CSMD1: variants seen among roughly 807,000 people sequenced by gnomAD.
CSMD1 encodes CUB and sushi domain-containing protein 1.
Under a neutral mutation model 417.5 loss-of-function variants are expected in CSMD1, and 213 were observed. The ratio of observed to expected loss-of-function variants is 0.51; its 90% CI spans 0.46 to 0.57. The LOEUF (loss-of-function observed/expected upper bound fraction) is 0.57. Among genes scored for constraint, CSMD1 ranks in the 20% least tolerant of loss-of-function variants. CSMD1 has a pLI of 0.00. For synonymous variants in CSMD1, 2,862 were observed against 1,736.8 expected, an observed-to-expected ratio of 1.65 and a Z score of -16.11; for missense variants, 6,923 against 4,529.7, an observed-to-expected ratio of 1.53 and a Z score of -15.17.
At chr8:4,814,663 G>C (rs921848919) in intron 1 of CSMD1, among the ~76,000 whole-genome samples, 1 of 152,110 alleles carries the variant, frequency 6.6e-6, no homozygotes, top group African/African-American at 2.4e-5. Context: ...AGGAGACTTG[G>C]TGTATATGGG....
At chr8:4,661,383 A>G (rs1271889834) in intron 1 of CSMD1, among the ~76,000 whole-genome samples, 6 of 152,208 alleles carry the variant, frequency 3.9e-5, no homozygotes, top group Admixed American at 2.6e-4. Context: ...TACAAAGCCA[A>G]TCCTCAAACG....
intron 4 of CSMD1, among the ~76,000 whole-genome samples, chr8:4,011,351 T>A (rs1204544895): frequency 1.3e-5 from 2 of 152,228 alleles, no homozygotes; most frequent in African/African-American, 4.8e-5. Flanking sequence ...AAAACAATGT[T>A]ATAGACTTTT....
At chr8:4,375,619 G>A (rs1223816583) in intron 3 of CSMD1, among the ~76,000 whole-genome samples, 2 of 152,074 alleles carry the variant, frequency 1.3e-5, no homozygotes, top group African/African-American at 2.4e-5. Context: ...TAACAGCCAC[G>A]TGGAATTGTG....
At chr8:3,862,976 T>C (rs192471629) in intron 5 of CSMD1, among the ~76,000 whole-genome samples, 27 of 152,300 alleles carry the variant, frequency 1.8e-4, no homozygotes, top group African/African-American at 5.8e-4. Flanking sequence ...AGTCTGGAGA[T>C]TCCAATATCA....
chr8:4,964,871 T>G (rs544223735), intron 1 of CSMD1, among the ~76,000 whole-genome samples: 18 of 152,306 alleles, frequency 1.2e-4, no homozygotes. Flanking sequence ...GCTCCAGCTG[T>G]ATTTGATGGT....
intron 5 of CSMD1, among the ~76,000 whole-genome samples, chr8:3,915,677 T>C (rs1042200673): frequency 3.3e-5 from 5 of 151,478 alleles, no homozygotes; most frequent in African/African-American, 9.7e-5. Context: ...ATATTACTAA[T>C]AATGTAGAAC....
chr8:4,429,974 G>C lies in CSMD1; in HGVS notation c.303-9909C>G, dbSNP rs539654683. Among the ~76,000 whole-genome samples, 228 of 152,274 alleles carry C rather than the reference G, an allele frequency of 1.5e-3. 1 individual carries two copies. Among genetic ancestry groups the C allele is most frequent in the African/African-American group, 4.8e-3 (201 of 41,562 alleles). On this transcript the variant is annotated intron_variant, in intron 2 of 69. Transcript: ENST00000635120. Reference sequence around the variant, plus strand: ...AAGAGGCAAAGGGGAGAATCCACTGGAAGCTGAGCTGGAAGATGAGGTCTC... The same window carrying C: ...AAGAGGCAAAGGGGAGAATCCACTGCAAGCTGAGCTGGAAGATGAGGTCTC...
At chr8:3,040,605 C>G (rs1004183984) in intron 50 of CSMD1, among the ~76,000 whole-genome samples, 5 of 151,720 alleles carry the variant, frequency 3.3e-5, no homozygotes, top group Admixed American at 6.6e-5. Flanking sequence ...GAGTTCAGGA[C>G]CAGCCTGGCC....
At chr8:3,887,552 T>A (rs1022120912) in intron 5 of CSMD1, among the ~76,000 whole-genome samples, 2 of 152,214 alleles carry the variant, frequency 1.3e-5, no homozygotes, top group African/African-American at 4.8e-5. Context: ...TCTCAACCAA[T>A]TAAATTAGAA....
intron 3 of CSMD1, among the ~76,000 whole-genome samples, chr8:4,397,538 T>G (rs1033102649): frequency 6.9e-6 from 1 of 144,670 alleles, no homozygotes; most frequent in Non-Finnish European, 1.5e-5. Flanking sequence ...TTTTTTTTTT[T>G]TTTTTTTTTT....
Position 3,087,374 on chromosome 8 carries a change from G to A in CSMD1, c.7286-89C>T, listed in dbSNP as rs1222815940. ...CTTTGTGAGAGTCTATAAATGAATG[G>A]CTTCTCATTTCCAAAAGGTAGGAAA... On this transcript the variant is annotated intron_variant, in intron 48 of 69. Coordinates refer to ENST00000635120, the MANE Select transcript of CSMD1 (RefSeq NM_033225.6). 3.0e-6 allele frequency: 4 copies of A among 1,332,960 alleles called. No homozygotes were observed. In the East Asian group the frequency reaches 7.0e-5, roughly 23 times the overall value. 82.6% of individuals were successfully genotyped at this position (1,332,960 alleles called of 1,614,324 possible).
chr8:4,280,072 G>C (rs865869145), intron 3 of CSMD1, among the ~76,000 whole-genome samples: 1 of 152,202 alleles, frequency 6.6e-6, no homozygotes. Flanking sequence ...GTTAACTAAC[G>C]CGTTGAAAAT....
At position 4,168,943 on chromosome 8, in the gene CSMD1, G is replaced by C. The variant is rs116568906; in HGVS notation, c.416-136844C>G. Among the ~76,000 whole-genome samples the C allele has an allele frequency of 8.0e-3, 1,213 of 152,184 alleles. 12 individuals carry two copies. The highest frequency in any genetic ancestry group is 0.028 in the African/African-American group (1,142 of 41,498). On this transcript the variant is annotated intron_variant, in intron 3 of 69. Coordinates refer to ENST00000635120, the MANE Select transcript of CSMD1 (RefSeq NM_033225.6). Reference sequence around the variant, plus strand: ...TGCTCTGTTTAACCTTGGCCTTTGAGGTACCTGATCATCTCTGCTATCCTC... The same window carrying C: ...TGCTCTGTTTAACCTTGGCCTTTGACGTACCTGATCATCTCTGCTATCCTC...
chr8:3,411,769 C>T (rs36010480), intron 12 of CSMD1, among the ~76,000 whole-genome samples: 71,446 of 110,978 alleles, frequency 0.64, 24,422 homozygotes, highest in Middle Eastern at 0.82. Flanking sequence ...CGTGTATATA[C>T]GTGTGTATAT....
At chr8:3,910,035 T>A (rs527312719) in intron 5 of CSMD1, among the ~76,000 whole-genome samples, 7 of 152,280 alleles carry the variant, frequency 4.6e-5, no homozygotes, top group Admixed American at 6.5e-5. Context: ...TCTTTATTTT[T>A]CTCTTAAAAC....
chr8:3,106,809 C>A (rs1816178525), intron 45 of CSMD1, 168 bp from the exon 46 acceptor site: 4 of 481,268 alleles, frequency 8.3e-6, no homozygotes, highest in Non-Finnish European at 3.7e-6. Flanking sequence ...GTTTTAAGTT[C>A]TTAATTTATA....
At chr8:2,940,166 C>T (rs1363556906) in intron 69 of CSMD1, among the ~76,000 whole-genome samples, 1 of 152,162 alleles carries the variant, frequency 6.6e-6, no homozygotes, top group Non-Finnish European at 1.5e-5. Context: ...GTGCTACAGG[C>T]TTGGTGCTTT....
At chr8:4,613,501 G>A (rs1419282160) in intron 2 of CSMD1, among the ~76,000 whole-genome samples, 2 of 152,168 alleles carry the variant, frequency 1.3e-5, no homozygotes, top group Non-Finnish European at 2.9e-5. Flanking sequence ...TACACTACTA[G>A]TGTGGCAGGC....
chr8:4,640,079 T>A lies in CSMD1; in HGVS notation c.86-2521A>T, dbSNP rs1285380023. Among the ~76,000 whole-genome samples the A allele has an allele frequency of 2.0e-5, 3 of 152,192 alleles. No individual in the cohort carries two copies. In the East Asian group the frequency reaches 5.8e-4, roughly 29 times the overall value. On this transcript the variant is annotated intron_variant, in intron 1 of 69. Transcript: ENST00000635120. Reference sequence around the variant, plus strand: ...CAGAAAAACGTCAACTGGAAAGTAGTTACTGTTATAGACCCATCAGGTTGA... The same window carrying A: ...CAGAAAAACGTCAACTGGAAAGTAGATACTGTTATAGACCCATCAGGTTGA...
Sources: gnomAD v4.1 joint callset for allele counts (sites outside exome capture counted in the v4.1 genomes callset) on GRCh38, gnomAD v4.1.1 for gene constraint, MANE v1.5 for transcripts, NCBI Gene and HGNC (gene_info 2026-07-23, HGNC 2026-07-21) for gene names.